DOCK2: variants seen among roughly 807,000 people sequenced by gnomAD.
DOCK2 encodes the protein dedicator of cytokinesis protein 2.
DOCK2 carries 87 observed loss-of-function variants against 248.9 expected under a neutral mutation model. The ratio of observed to expected loss-of-function variants is 0.35; its 90% CI spans 0.29 to 0.42. The LOEUF (loss-of-function observed/expected upper bound fraction) is 0.42, where lower values mean the gene tolerates loss of function less well. DOCK2 is among the 10% of genes least tolerant of loss of function. DOCK2 has a pLI of 1.00. For synonymous variants in DOCK2, 805 were observed against 821.6 expected, an observed-to-expected ratio of 0.98 and a Z score of 0.35; for missense variants, 1,747 against 2,300.2, an observed-to-expected ratio of 0.76 and a Z score of 4.92.
chr5:169,989,942 C>T (rs1778165186), intron 29 of DOCK2, among the ~76,000 whole-genome samples: 1 of 152,188 alleles, frequency 6.6e-6, no homozygotes, highest in Non-Finnish European at 1.5e-5. Context: ...TCTACCTTTT[C>T]ATATGGTAGT....
At chr5:169,709,134 G>C (rs1434684411) in intron 15 of DOCK2, among the ~76,000 whole-genome samples, 1 of 152,146 alleles carries the variant, frequency 6.6e-6, no homozygotes, top group East Asian at 1.9e-4. Flanking sequence ...GATTATACTT[G>C]GCAGTTATCT....
intron 29 of DOCK2, among the ~76,000 whole-genome samples, chr5:169,988,393 A>G (rs895056373): frequency 2.6e-5 from 4 of 152,360 alleles, no homozygotes; most frequent in African/African-American, 7.2e-5. Context: ...TATAAGAGGA[A>G]GCTGAGGTAC....
Position 169,691,032 on chromosome 5 carries a change from C to T in DOCK2, c.843+1699C>T, listed in dbSNP as rs549869245. Among the ~76,000 whole-genome samples, 5 of 152,254 alleles carry T rather than the reference C, an allele frequency of 3.3e-5. No homozygotes were observed. The South Asian group carries it at 1.0e-3, about 32-fold the overall frequency. ...AAAGAGCTTTAATTGGCTCATGGTT[C>T]TTCAGGCTGTACGAGAAGGGTGATG... On this transcript the variant is annotated intron_variant, in intron 9 of 51. Transcript: ENST00000520908.
At chr5:169,654,178 A>G (rs1757962496) in intron 1 of DOCK2, among the ~76,000 whole-genome samples, 1 of 152,254 alleles carries the variant, frequency 6.6e-6, no homozygotes, top group Non-Finnish European at 1.5e-5. Flanking sequence ...GGCTCAATGC[A>G]GGGCCTGTGT....
rs1390839772 is a variant in DOCK2 at position 169,763,329 on chromosome 5, C to T, written c.2554+1704C>T. Among the ~76,000 whole-genome samples the T allele has an allele frequency of 6.6e-6, 1 of 152,222 alleles. No individual in the cohort carries two copies. Among genetic ancestry groups the T allele is most frequent in the Non-Finnish European group, 1.5e-5 (1 of 68,042 alleles). On this transcript the variant is annotated intron_variant, in intron 25 of 51. Coordinates refer to ENST00000520908, the MANE Select transcript of DOCK2 (RefSeq NM_004946.3). The surrounding 1 kb of genome is among the most constrained non-coding windows in gnomAD (Gnocchi z 4.1). The stretch of plus-strand genomic sequence containing the variant: ...GCCCCTCTCAGGATTTCAGGTGGTG[C>T]CACTGCAGAGGCAAATTGAGTCCCA...
rs34124700 is a variant in DOCK2, at chr5:169,971,428, C to CT, written c.2800-11622dup. On this transcript the variant is annotated intron_variant, in intron 27 of 51. Coordinates refer to ENST00000520908, the MANE Select transcript of DOCK2 (RefSeq NM_004946.3). Reference sequence around the variant, plus strand: ...CCTTCTGCCCCTTTCCTCCTAGAGCCTTTTTTTTTTTTTTTTTTCATGAAA... The same window carrying CT: ...CCTTCTGCCCCTTTCCTCCTAGAGCCTTTTTTTTTTTTTTTTTTTCATGAAA... 4.5e-3 allele frequency among the ~76,000 whole-genome samples: 613 copies of CT among 135,188 alleles called. 4 individuals carry two copies. The highest frequency in any genetic ancestry group is 0.015 in the South Asian group (64 of 4,176). The allele number at this position is 135,188 out of a possible 152,430, so 88.7% of individuals were successfully genotyped here.
chr5:169,922,231 A>G (rs186089807), intron 27 of DOCK2, among the ~76,000 whole-genome samples: 49 of 152,342 alleles, frequency 3.2e-4, no homozygotes, highest in South Asian at 1.0e-3. Context: ...GCCTAAAGGT[A>G]TTTATTGCTT....
intron 23 of DOCK2, among the ~76,000 whole-genome samples, chr5:169,755,658 T>C (rs262856): frequency 0.32 from 49,177 of 151,964 alleles, 11,411 homozygotes; most frequent in African/African-American, 0.64. Flanking sequence ...GCAGGACAAT[T>C]GCTTGAACCT....
intron 27 of DOCK2, among the ~76,000 whole-genome samples, chr5:169,936,578 C>CTTTTTTTT (rs4041977): frequency 8.1e-6 from 1 of 122,832 alleles, no homozygotes; most frequent in African/African-American, 3.2e-5. Flanking sequence ...TCTCAGACTC[C>CTTTTTTTT]TTTTTTTTTT....
chr5:169,795,657 CAA>C (rs1766603683), intron 25 of DOCK2, among the ~76,000 whole-genome samples: 1 of 152,196 alleles, frequency 6.6e-6, no homozygotes. Flanking sequence ...GTTGTGAGAA[CAA>C]ATTGCTAACT....
chr5:169,681,717 T>C, intron 6 of DOCK2, 27 bp from the exon 7 acceptor site: 6 of 1,611,104 alleles, frequency 3.7e-6, no homozygotes, highest in South Asian at 2.2e-5. Context: ...CCCTGATTTG[T>C]CTTCACCTCC....
chr5:170,013,126 A>AT (rs1262666561), intron 32 of DOCK2, among the ~76,000 whole-genome samples: 2 of 152,132 alleles, frequency 1.3e-5, no homozygotes, highest in Non-Finnish European at 2.9e-5. Flanking sequence ...AAGGAGGACC[A>AT]TGTCAGGACT....
At chr5:169,679,830 G>A (rs1394938120) in intron 6 of DOCK2, among the ~76,000 whole-genome samples, 1 of 152,200 alleles carries the variant, frequency 6.6e-6, no homozygotes, top group African/African-American at 2.4e-5. Context: ...GATGAGAGAT[G>A]CGCCTCTCAA....
chr5:169,895,467 A>G (rs1344940703), intron 27 of DOCK2, among the ~76,000 whole-genome samples: 2 of 151,970 alleles, frequency 1.3e-5, no homozygotes, highest in African/African-American at 2.4e-5. Flanking sequence ...CTAACCACCT[A>G]TACTCACCTG....
chr5:169,962,693 G>A (rs923915864), intron 27 of DOCK2, among the ~76,000 whole-genome samples: 11 of 152,128 alleles, frequency 7.2e-5, no homozygotes, highest in African/African-American at 2.7e-4. Context: ...GGAAAATACG[G>A]CACTAAAAAG....
At chr5:170,024,746 A>G (rs923030305) in intron 33 of DOCK2, among the ~76,000 whole-genome samples, 1 of 152,142 alleles carries the variant, frequency 6.6e-6, no homozygotes, top group African/African-American at 2.4e-5. Context: ...AAGTCTATTC[A>G]ATGCCACAGA....
chr5:169,943,100 C>T (rs1776305539), intron 27 of DOCK2, among the ~76,000 whole-genome samples: 2 of 152,196 alleles, frequency 1.3e-5, no homozygotes, highest in Non-Finnish European at 2.9e-5. Flanking sequence ...TTCTCTATTC[C>T]ATTCAATGGA....
intron 46 of DOCK2, among the ~76,000 whole-genome samples, chr5:170,070,041 T>A (rs1186047850): frequency 1.3e-5 from 2 of 152,122 alleles, no homozygotes; most frequent in Non-Finnish European, 2.9e-5. Flanking sequence ...GTCGGCTAGA[T>A]CCCTCTCATA....
At chr5:169,807,377 G>A (rs938905556) in intron 26 of DOCK2, among the ~76,000 whole-genome samples, 2 of 152,174 alleles carry the variant, frequency 1.3e-5, no homozygotes, top group Middle Eastern at 3.2e-3. Context: ...GTTCCCAGGT[G>A]CTGTTGATGC....
Sources: allele counts gnomAD v4.1 joint callset (sites outside exome capture counted in the v4.1 genomes callset), GRCh38; gene constraint gnomAD v4.1.1; non-coding constraint Gnocchi (gnomAD v3.1); transcripts MANE v1.5; gene names NCBI Gene and HGNC (gene_info 2026-07-23, HGNC 2026-07-21).